Variants in SLIT2 observed in about 807,000 individuals in gnomAD.
SLIT2 encodes the protein slit guidance ligand 2, also known as slit homolog 2 protein.
SLIT2 carries 41 observed loss-of-function variants against 185.7 expected under a neutral mutation model. The observed-to-expected ratio is 0.22, with a 90% confidence interval of 0.17 to 0.29. The LOEUF (loss-of-function observed/expected upper bound fraction) is 0.29, where lower values mean the gene tolerates loss of function less well. Ranked by LOEUF, SLIT2 falls within the 10% of genes least tolerant of loss-of-function variation. The probability of loss-of-function intolerance (pLI) is 1.00; values close to 1 mark genes in which losing one functional copy is unlikely to be tolerated. For missense variants in SLIT2, 1,571 were observed against 1,909.0 expected (o/e 0.82, Z 3.30); for synonymous variants, 693 against 680.2 (o/e 1.02, Z -0.29).
intron 9 of SLIT2, among the ~76,000 whole-genome samples, chr4:20,492,720 G>C (rs1005671854): frequency 1.4e-4 from 21 of 152,150 alleles, no homozygotes; most frequent in African/African-American, 5.1e-4. Flanking sequence ...ATTTTTGGTT[G>C]AAATAATAGG....
chr4:20,474,156 T>G (rs1288327493), intron 5 of SLIT2, among the ~76,000 whole-genome samples: 1 of 152,028 alleles, frequency 6.6e-6, no homozygotes, highest in Admixed American at 6.6e-5. Flanking sequence ...GCTTTTTACT[T>G]AGATAGATAG....
intron 4 of SLIT2, among the ~76,000 whole-genome samples, chr4:20,358,955 C>A (rs1185476947): frequency 6.6e-6 from 1 of 151,948 alleles, no homozygotes; most frequent in African/African-American, 2.4e-5. Flanking sequence ...ATTTTGGGTT[C>A]TTAACATAAA....
At chr4:20,530,097 G>T (rs1721651849) in intron 16 of SLIT2, among the ~76,000 whole-genome samples, 1 of 105,990 alleles carries the variant, frequency 9.4e-6, no homozygotes, top group Non-Finnish European at 2.0e-5. Flanking sequence ...TAGTTATAGT[G>T]ATTTTTTTTT....
At chr4:20,297,237 C>T (rs1716571726) in intron 4 of SLIT2, among the ~76,000 whole-genome samples, 1 of 152,132 alleles carries the variant, frequency 6.6e-6, no homozygotes, top group Non-Finnish European at 1.5e-5. Flanking sequence ...AACTGTGATT[C>T]TTTAAGAAAT....
intron 4 of SLIT2, chr4:20,394,957 T>G (rs1725764421): frequency 3.9e-5 from 6 of 152,012 alleles, no homozygotes. Flanking sequence ...AAGGCTTTGT[T>G]GTTGGTGGTG....
At chr4:20,425,487 C>A (rs532831277) in intron 4 of SLIT2, among the ~76,000 whole-genome samples, 1 of 151,992 alleles carries the variant, frequency 6.6e-6, no homozygotes, top group Non-Finnish European at 1.5e-5. Flanking sequence ...ATGAAATAGT[C>A]TCAGAAAAAA....
At chr4:20,399,821 C>A in intron 4 of SLIT2, among the ~76,000 whole-genome samples, 1 of 151,698 alleles carries the variant, frequency 6.6e-6, no homozygotes, top group African/African-American at 2.4e-5. Flanking sequence ...TAAACTGAGA[C>A]CAAAGTATGA....
chr4:20,573,720 C>A (rs1725825902), intron 29 of SLIT2, among the ~76,000 whole-genome samples: 2 of 151,716 alleles, frequency 1.3e-5, no homozygotes, highest in South Asian at 4.2e-4. Context: ...TAACATGTAA[C>A]ATGAAAAATA....
intron 4 of SLIT2, among the ~76,000 whole-genome samples, chr4:20,291,901 C>T (rs1280862416): frequency 9.7e-6 from 1 of 102,882 alleles, no homozygotes; most frequent in Non-Finnish European, 1.9e-5. Context: ...CTCCTGCACA[C>T]CTCTGTGTGT....
Position 20,546,056 on chromosome 4 carries a change from C to T in SLIT2, c.2302C>T (p.Leu768=). Residue 768 remains leucine, a synonymous_variant, in exon 22 of 37, where the codon CTG becomes TTG. Coordinates refer to ENST00000504154, the MANE Select transcript of SLIT2 (RefSeq NM_004787.4). ...GTATCTGGATGGAAACCAATTTACA[C>T]TGGTTCCCAAGGAACTCTCCAACTA... ...ELYLDGNQFT[L]VPKELSNYKH... The T allele has an allele frequency of 6.3e-7, 1 of 1,584,462 alleles. No homozygotes were observed. The highest frequency in any genetic ancestry group is 8.6e-7 in the Non-Finnish European group (1 of 1,159,486).
intron 4 of SLIT2, among the ~76,000 whole-genome samples, chr4:20,328,083 G>A (rs1427122860): frequency 6.6e-6 from 1 of 151,996 alleles, no homozygotes; most frequent in African/African-American, 2.4e-5. Context: ...GAGTTTCTTA[G>A]AACTACCCTA....
intron 24 of SLIT2, among the ~76,000 whole-genome samples, chr4:20,550,494 C>T (rs1203147620): frequency 6.6e-6 from 1 of 151,694 alleles, no homozygotes; most frequent in East Asian, 1.9e-4. Flanking sequence ...AAATTTCTCC[C>T]TCTTTTCCTT....
rs146792410 is a variant in SLIT2, at chr4:20,573,807, G to A, written c.3088+4803G>A. 4.2e-3 allele frequency among the ~76,000 whole-genome samples: 643 copies of A among 152,022 alleles called. 3 individuals are homozygous for A. Among genetic ancestry groups the A allele is most frequent in the Non-Finnish European group, 7.2e-3 (486 of 67,954 alleles). On this transcript the variant is annotated intron_variant, in intron 29 of 36. Transcript: ENST00000504154. ...GCCCAAGAAGTTGACTTATAAATTT[G>A]TGTTATAGGATACCGTGACTACTAG...
intron 4 of SLIT2, among the ~76,000 whole-genome samples, chr4:20,382,313 C>G (rs1724592015): frequency 6.6e-6 from 1 of 152,090 alleles, no homozygotes; most frequent in Non-Finnish European, 1.5e-5. Flanking sequence ...ATGTGCACTC[C>G]TATCTAGCAT....
chr4:20,525,821 T>G (rs1721237260), intron 15 of SLIT2, among the ~76,000 whole-genome samples: 1 of 152,136 alleles, frequency 6.6e-6, no homozygotes, highest in Non-Finnish European at 1.5e-5. Context: ...TGTGAAAGCA[T>G]CAGAAGTTCA....
intron 4 of SLIT2, among the ~76,000 whole-genome samples, chr4:20,464,020 T>C (rs918081781): frequency 4.6e-5 from 7 of 152,144 alleles, no homozygotes; most frequent in Non-Finnish European, 8.8e-5. Flanking sequence ...AATCCATCTT[T>C]ACTTGCAGTC....
chr4:20,457,109 C>T (rs1347409508), intron 4 of SLIT2, among the ~76,000 whole-genome samples: 1 of 151,964 alleles, frequency 6.6e-6, no homozygotes, highest in Non-Finnish European at 1.5e-5. Context: ...ATTGTAATGT[C>T]CATAAGTATA....
At chr4:20,549,748 A>AT (rs1189420788) in intron 24 of SLIT2, among the ~76,000 whole-genome samples, 3 of 151,508 alleles carry the variant, frequency 2.0e-5, no homozygotes. Flanking sequence ...TATGAATAAA[A>AT]ATATATATAT....
At chr4:20,511,803 G>C (rs757529078) in intron 11 of SLIT2, among the ~76,000 whole-genome samples, 3 of 151,730 alleles carry the variant, frequency 2.0e-5, no homozygotes, top group Non-Finnish European at 4.4e-5. Context: ...GACAATATCA[G>C]TCTCCTTTGA....
Sources: allele counts gnomAD v4.1 joint callset (sites outside exome capture counted in the v4.1 genomes callset), GRCh38; gene constraint gnomAD v4.1.1; transcripts MANE v1.5; gene names NCBI Gene and HGNC (gene_info 2026-07-23, HGNC 2026-07-21).